TTN: variants seen among roughly 807,000 people sequenced by gnomAD.
TTN encodes the protein titin.
Under a neutral mutation model 3,223.0 loss-of-function variants are expected in TTN, and 1,525 were observed. That is an observed-to-expected ratio of 0.47 (90% CI 0.45 to 0.49). TTN has a LOEUF of 0.49. TTN is among the 20% of genes least tolerant of loss of function. The pLI is 0.00. For synonymous variants in TTN, 14,094 were observed against 15,161.0 expected, an observed-to-expected ratio of 0.93 and a Z score of 5.17; for missense variants, 40,786 against 43,424.0, an observed-to-expected ratio of 0.94 and a Z score of 5.40.
intron 6 of TTN, among the ~76,000 whole-genome samples, chr2:178,797,603 A>G (rs796609362): frequency 1.3e-5 from 2 of 152,270 alleles, no homozygotes; most frequent in African/African-American, 4.8e-5. Context: ...CTTATCCAGC[A>G]TAAGCTTACG....
chr2:178,586,324 T>C (rs539208624), intron 308 of TTN, among the ~76,000 whole-genome samples, 181 bp downstream of exon 308: 5 of 152,254 alleles, frequency 3.3e-5, no homozygotes, highest in South Asian at 2.1e-4. Context: ...TAGTTATATA[T>C]GTGTTTGTAT....
Position 178,633,338 on chromosome 2 carries a change from C to CA in TTN, c.42947-13dup. ...TTTTATTAGTCGAGCTGAAATGATA[C>CA]AGTTTTGTTAGCATGACTGAACTAA... On this transcript the variant is annotated splice_polypyrimidine_tract_variant and intron_variant, in intron 232 of 362. Coordinates refer to ENST00000589042, the MANE Select transcript of TTN (RefSeq NM_001267550.2). 1.2e-6 allele frequency: 2 copies of CA among 1,612,814 alleles called. No individual in the cohort carries two copies. The highest frequency in any genetic ancestry group is 1.7e-6 in the Non-Finnish European group (2 of 1,179,366).
At chr2:178,700,889 TTAAAA>T (rs1357891951) in intron 111 of TTN, among the ~76,000 whole-genome samples, 18 of 152,224 alleles carry the variant, frequency 1.2e-4, no homozygotes, top group African/African-American at 3.4e-4. Flanking sequence ...AGTAATTTCA[TTAAAA>T]TAAAATATTT....
intron 164 of TTN, 84 bp from the exon 165 acceptor site, chr2:178,665,544 A>G: frequency 1.4e-6 from 2 of 1,458,974 alleles, no homozygotes; most frequent in Admixed American, 1.8e-5. Flanking sequence ...AGTGATATTT[A>G]TGGCTAAAAA....
chr2:178,750,911 T>C (rs774262229), intron 47 of TTN: 1 of 1,612,856 alleles, frequency 6.2e-7, no homozygotes, highest in Non-Finnish European at 8.5e-7. Flanking sequence ...GGTATTTTCA[T>C]TTACTAGAAT....
chr2:178,647,419 A>C lies in TTN; in HGVS notation c.40103T>G (p.Val13368Gly). Residue 13368 changes from valine (V) to glycine (G), a missense_variant, in exon 214 of 363, where the codon GTG becomes GGG. Coordinates refer to ENST00000589042, the MANE Select transcript of TTN (RefSeq NM_001267550.2). ...EKIIPEKEVSVPIPAEPEVPP... is the reference protein window; with the variant it reads ...EKIIPEKEVSGPIPAEPEVPP... ...AACTTCTGGCTCTGCAGGGATAGGC[A>C]CAGACACTTCCTTTTCTGGGATGAT... 1 of 1,549,804 alleles carries C rather than the reference A, an allele frequency of 6.5e-7. No individual in the cohort carries two copies.
At chr2:178,639,835 TAA>T (rs2060994238) in intron 222 of TTN, 47 bp from the exon 223 acceptor site, 1 of 1,525,216 alleles carries the variant, frequency 6.6e-7, no homozygotes, top group Admixed American at 2.3e-5. Flanking sequence ...TGTCACTTCC[TAA>T]AAACTTATTT....
intron 47 of TTN, chr2:178,745,936 G>A: frequency 6.2e-7 from 1 of 1,609,306 alleles, no homozygotes; most frequent in Non-Finnish European, 8.5e-7. Context: ...CCATTAAACT[G>A]CTTAAAGTCA....
intron 46 of TTN, 77 bp from the exon 47 acceptor site, chr2:178,753,257 A>G: frequency 8.4e-7 from 1 of 1,192,348 alleles, no homozygotes; most frequent in South Asian, 1.4e-5. Flanking sequence ...GACTTGTATG[A>G]TTAAAGTTTT....
intron 312 of TTN, 120 bp from the exon 313 acceptor site, chr2:178,583,347 ATT>A: frequency 9.5e-7 from 1 of 1,051,026 alleles, no homozygotes; most frequent in Non-Finnish European, 1.3e-6. Context: ...GTGTTATTTC[ATT>A]TTGTTTATTT....
In TTN at chr2:178,547,241, A is replaced by G; in HGVS notation, c.94284T>C (p.Arg31428=). The G allele has an allele frequency of 1.2e-6, 2 of 1,613,820 alleles. No individual in the cohort carries two copies. Among genetic ancestry groups the G allele is most frequent in the Non-Finnish European group, 1.7e-6 (2 of 1,179,750 alleles). ...YHVSANAMSI[R]WEEPYHDGGS... Reference sequence around the variant, plus strand: ...CACCATCGTGGTAGGGTTCTTCCCAACGAATAGACATGGCATTGGCAGACA... The same window carrying G: ...CACCATCGTGGTAGGGTTCTTCCCAGCGAATAGACATGGCATTGGCAGACA... Residue 31428 remains arginine (R), a synonymous_variant, in exon 340 of 363, where the codon CGT becomes CGC. Coordinates refer to ENST00000589042, the MANE Select transcript of TTN (RefSeq NM_001267550.2).
chr2:178,640,639 T>A lies in TTN; in HGVS notation c.40634-9A>T, dbSNP rs373511249. 1.9e-6 allele frequency: 3 copies of A among 1,561,984 alleles called. No homozygotes were observed. Among genetic ancestry groups the A allele is most frequent in the South Asian group, 2.4e-5 (2 of 83,338 alleles). On this transcript the variant is annotated splice_polypyrimidine_tract_variant and intron_variant, in intron 220 of 362. Transcript: ENST00000589042. ...AGGTGGTGGTTCTGGTACTTTAAGATAAGATTATTTTTTCAGTGTTAATAT... is the reference window on the plus strand; with the variant it reads ...AGGTGGTGGTTCTGGTACTTTAAGAAAAGATTATTTTTTCAGTGTTAATAT...
Position 178,531,973 on chromosome 2 carries a change from C to T in TTN, c.104642G>A (p.Arg34881Lys), listed in dbSNP as rs548838318. 1.9e-6 allele frequency: 3 copies of T among 1,613,732 alleles called. No homozygotes were observed. The highest frequency in any genetic ancestry group is 8.5e-7 in the Non-Finnish European group (1 of 1,179,814). The stretch of plus-strand genomic sequence containing the variant: ...AGGGCTGGGGGATCGTGGGCGAGTT[C>T]TCTCTGGAGTAGGTGACCTTCTTTC... Reference protein sequence around the residue: ...DTERRSPTPERTRPRSPSPVS... With the variant: ...DTERRSPTPEKTRPRSPSPVS... Residue 34881 changes from arginine (R) to lysine (K), a missense_variant, in exon 358 of 363, where the codon AGA (arginine) becomes AAA (lysine). Arg to Lys is a conservative substitution (Grantham distance 26). Coordinates refer to ENST00000589042, the MANE Select transcript of TTN (RefSeq NM_001267550.2).
At position 178,649,915 on chromosome 2, in the gene TTN, T is replaced by C. The variant is rs757575720; in HGVS notation, c.39818-21A>G. ...AGGCACTTGAATAATAGGAATTTCT[T>C]TTAGAATTAGGTGATTACAATGAAA... On this transcript the variant is annotated intron_variant, in intron 210 of 362. Coordinates refer to ENST00000589042, the MANE Select transcript of TTN (RefSeq NM_001267550.2). 12 of 1,595,312 alleles carry C rather than the reference T, an allele frequency of 7.5e-6. No homozygotes were observed. The African/African-American group carries it at 1.6e-4, about 22-fold the overall frequency.
At chr2:178,750,144 T>C (rs1561019535) in intron 47 of TTN, 2 of 1,613,072 alleles carry the variant, frequency 1.2e-6, no homozygotes, top group East Asian at 2.2e-5. Flanking sequence ...GGTGGGTTAG[T>C]TTTTAACAAA....
At chr2:178,669,313 CATAGTGA>C in intron 159 of TTN, 53 bp downstream of exon 159, 1 of 1,351,324 alleles carries the variant, frequency 7.4e-7, no homozygotes, top group Non-Finnish European at 1.0e-6. Flanking sequence ...AAAAGACAAA[CATAGTGA>C]ATTTAAGGAC....
rs912485960 is a variant in TTN, at chr2:178,567,849, G to C, written c.78283C>G (p.Pro26095Ala). ...TTTCTTTTAACCATTATTGGTTCTG[G>C]GGTTCCTGGTGGGTCACAGGGATCT... Reference protein sequence around the residue: ...ARDPCDPPGTPEPIMVKRNEI... With the variant: ...ARDPCDPPGTAEPIMVKRNEI... The change falls in exon 326 of 363, where the codon CCA becomes GCA. Residue 26095 changes from proline (P) to alanine (A), a missense_variant. Transcript: ENST00000589042. The C allele has an allele frequency of 1.1e-5, 17 of 1,613,320 alleles. No individual in the cohort carries two copies. In the Admixed American group the frequency reaches 2.5e-4, roughly 24 times the overall value.
chr2:178,613,168 A>C lies in TTN; in HGVS notation c.49641T>G (p.Asp16547Glu), dbSNP rs767765903. ...AAATTATATAAATAATACCTATGGG[A>C]TCCTTTATTAAGATTGGTTCAGTTG... ...SKSTEPILIKDPIDPPWPPGK... is the reference protein window; with the variant it reads ...SKSTEPILIKEPIDPPWPPGK... The change falls in exon 264 of 363, where the codon GAT becomes GAG. Residue 16547 changes from aspartate (D) to glutamate (E), a missense_variant. Coordinates refer to ENST00000589042, the MANE Select transcript of TTN (RefSeq NM_001267550.2). 6.2e-7 allele frequency: 1 copy of C among 1,609,758 alleles called. No individual in the cohort carries two copies. Among genetic ancestry groups the C allele is most frequent in the South Asian group, 1.1e-5 (1 of 90,022 alleles).
At position 178,611,840 on chromosome 2, in the gene TTN, C is replaced by T; in HGVS notation, c.50469G>A (p.Gln16823=). The part of the protein sequence containing the change: ...VTDVIEGTEV[Q]FQVRAENEAG... ...CTTCATTTTCAGCCCGAACCTGAAA[C>T]TGGACCTCTGTTCCTTCGATGACAT... The change falls in exon 268 of 363, where the codon CAG becomes CAA. Residue 16823 remains glutamine, a synonymous_variant. Transcript: ENST00000589042. The T allele has an allele frequency of 6.2e-7, 1 of 1,613,006 alleles. No individual in the cohort carries two copies. Among genetic ancestry groups the T allele is most frequent in the Non-Finnish European group, 8.5e-7 (1 of 1,179,316 alleles).
Sources: allele counts gnomAD v4.1 joint callset (sites outside exome capture counted in the v4.1 genomes callset), GRCh38; gene constraint gnomAD v4.1.1; transcripts MANE v1.5; gene names NCBI Gene and HGNC (gene_info 2026-07-23, HGNC 2026-07-21).